Variants in CYFIP2 observed in about 807,000 individuals in gnomAD.
CYFIP2 encodes the protein cytoplasmic FMR1-interacting protein 2.
A neutral mutation model predicts 158.7 loss-of-function variants in CYFIP2; 29 were observed. The ratio of observed to expected loss-of-function variants is 0.18; its 90% CI spans 0.14 to 0.25. The LOEUF is 0.25. CYFIP2 is among the 10% of genes least tolerant of loss of function. CYFIP2 has a pLI of 1.00. For synonymous variants in CYFIP2, 585 were observed against 617.6 expected (o/e 0.95, Z 0.78); for missense variants, 852 against 1,639.5 (o/e 0.52, Z 8.29).
chr5:157,339,885 C>T (rs1175542647), intron 22 of CYFIP2, among the ~76,000 whole-genome samples: 1 of 152,208 alleles, frequency 6.6e-6, no homozygotes, highest in African/African-American at 2.4e-5. Context: ...GGAAATGGTG[C>T]TGTGAAAGAT....
rs777932320 is a variant in CYFIP2, at chr5:157,314,404, G to A, written c.1171G>A (p.Asp391Asn). ...KSDEEYRELFDLALRGLQLLS... is the reference protein window; with the variant it reads ...KSDEEYRELFNLALRGLQLLS... ...AGACGAGGAGTATCGCGAGCTCTTC[G>A]ACCTAGCCCTGCGGGGTCTGCAGCT... The change falls in exon 12 of 31, where the codon GAC becomes AAC. Residue 391 changes from aspartate (D) to asparagine (N), a missense_variant. Physicochemically the swap from Asp to Asn is conservative, Grantham distance 23. This residue lies in a region of CYFIP2 where 133 missense variants were observed against 197.1 expected (regional missense o/e 0.67). Coordinates refer to ENST00000620254, the MANE Select transcript of CYFIP2 (RefSeq NM_001037333.3). 1.9e-6 allele frequency: 3 copies of A among 1,613,756 alleles called. No homozygotes were observed. The highest frequency in any genetic ancestry group is 1.7e-6 in the Non-Finnish European group (2 of 1,179,858).
At position 157,349,098 on chromosome 5, in the gene CYFIP2, GTATT is replaced by G. The variant is rs551428169; in HGVS notation, c.2673+7956_2673+7959del. ...ACCTGGCCAAATTCCCTCACTTTAT[GTATT>G]TATTTATTTATTTACTTATTTCAGT... On this transcript the variant is annotated intron_variant, in intron 23 of 30. Coordinates refer to ENST00000620254, the MANE Select transcript of CYFIP2 (RefSeq NM_001037333.3). 1.2e-4 allele frequency among the ~76,000 whole-genome samples: 19 copies of G among 152,154 alleles called. No individual in the cohort carries two copies. The South Asian group carries it at 2.3e-3, about 18-fold the overall frequency.
At chr5:157,295,438 TCAG>T (rs1403880593) in intron 4 of CYFIP2, among the ~76,000 whole-genome samples, 1 of 152,222 alleles carries the variant, frequency 6.6e-6, no homozygotes, top group Non-Finnish European at 1.5e-5. Flanking sequence ...GGCAACAAAA[TCAG>T]CAAGCCACAG....
chr5:157,384,620 A>C (rs927717599), intron 28 of CYFIP2: 3 of 412,238 alleles, frequency 7.3e-6, no homozygotes, highest in Admixed American at 2.6e-5. Context: ...CATGCCACCA[A>C]CCTCCTTCTG....
chr5:157,319,991 G>A, intron 14 of CYFIP2, 63 bp downstream of exon 14: 4 of 1,573,820 alleles, frequency 2.5e-6, no homozygotes, highest in Non-Finnish European at 2.6e-6. Flanking sequence ...CCATCAGAGA[G>A]GATGTCCTGG....
At chr5:157,268,596 T>C (rs1191231775) in intron 1 of CYFIP2, among the ~76,000 whole-genome samples, 1 of 152,172 alleles carries the variant, frequency 6.6e-6, no homozygotes, top group Non-Finnish European at 1.5e-5. Context: ...TGGACTACAC[T>C]CTCAACGCAG....
At chr5:157,294,257 G>A (rs780240051) in intron 3 of CYFIP2, among the ~76,000 whole-genome samples, 2 of 152,164 alleles carry the variant, frequency 1.3e-5, no homozygotes, top group Admixed American at 1.3e-4. Flanking sequence ...AACTGTCAAC[G>A]AAATTCCTCC....
At chr5:157,313,311 A>G (rs1759889894) in intron 11 of CYFIP2, among the ~76,000 whole-genome samples, 1 of 152,210 alleles carries the variant, frequency 6.6e-6, no homozygotes, top group Non-Finnish European at 1.5e-5. Context: ...TCATTAACGC[A>G]TGACCAACAG....
intron 5 of CYFIP2, among the ~76,000 whole-genome samples, chr5:157,298,923 AC>A (rs1278053513): frequency 6.6e-6 from 1 of 152,192 alleles, no homozygotes; most frequent in Admixed American, 6.5e-5. Flanking sequence ...AGGACTGAAT[AC>A]CATTCCATTG....
intron 26 of CYFIP2, among the ~76,000 whole-genome samples, chr5:157,379,679 A>AAAC (rs1765853734): frequency 1.3e-5 from 2 of 149,986 alleles, no homozygotes; most frequent in South Asian, 4.2e-4. Context: ...AAAAAAAAAA[A>AAAC]AAAAAAAAAA....
At chr5:157,328,091 T>C (rs750776108) in intron 19 of CYFIP2, 42 bp downstream of exon 19, 1 of 1,569,352 alleles carries the variant, frequency 6.4e-7, no homozygotes, top group South Asian at 1.1e-5. Context: ...CTCTTAAGAC[T>C]GCCACCTAGA....
At chr5:157,278,690 T>C (rs1049130932) in intron 1 of CYFIP2, among the ~76,000 whole-genome samples, 10 of 152,212 alleles carry the variant, frequency 6.6e-5, no homozygotes, top group Non-Finnish European at 1.2e-4. Flanking sequence ...CCTTCCTTTT[T>C]TTGGTAGGAG....
At position 157,285,619 on chromosome 5, in the gene CYFIP2, G is replaced by A. The variant is rs555405104; in HGVS notation, c.117+141G>A. On this transcript the variant is annotated intron_variant, in intron 2 of 30. Coordinates refer to ENST00000620254, the MANE Select transcript of CYFIP2 (RefSeq NM_001037333.3). ...AGCTGATGGAGTCCCTTGTGCGCTGGTAGAGCCGAGTATAAGGAACAGATT... is the reference window on the plus strand; with the variant it reads ...AGCTGATGGAGTCCCTTGTGCGCTGATAGAGCCGAGTATAAGGAACAGATT... The A allele has an allele frequency of 8.8e-5, 59 of 671,756 alleles. No individual in the cohort carries two copies. The African/African-American group carries it at 1.0e-3, about 12-fold the overall frequency. The allele number at this position is 671,756 out of a possible 1,614,324, so 41.6% of individuals were successfully genotyped here.
intron 25 of CYFIP2, among the ~76,000 whole-genome samples, chr5:157,360,977 A>AT (rs1763773480): frequency 6.6e-6 from 1 of 152,210 alleles, no homozygotes; most frequent in African/African-American, 2.4e-5. Context: ...TCTGGTGTTC[A>AT]GTCCCAGCTG....
intron 27 of CYFIP2, 55 bp from the exon 28 acceptor site, chr5:157,383,210 C>T: frequency 1.3e-6 from 2 of 1,522,272 alleles, no homozygotes; most frequent in Non-Finnish European, 1.8e-6. Context: ...TTTTCCTTCC[C>T]CAGTTGCCCT....
At chr5:157,382,770 T>A in intron 27 of CYFIP2, 108 bp downstream of exon 27, 1 of 1,112,960 alleles carries the variant, frequency 9.0e-7, no homozygotes, top group Non-Finnish European at 1.3e-6. Context: ...AGGTTAAAGC[T>A]TTGGACACCT....
rs34300898 is a variant in CYFIP2, at chr5:157,327,564, C to CA, written c.2080-395dup. Reference sequence around the variant, plus strand: ...TAGGTGACAGAGCAAGACTCTGTCTCAAAAAAAAAAAAAATTGCAAATCAA... The same window carrying CA: ...TAGGTGACAGAGCAAGACTCTGTCTCAAAAAAAAAAAAAAATTGCAAATCAA... On this transcript the variant is annotated intron_variant, in intron 18 of 30. Transcript: ENST00000620254. Among the ~76,000 whole-genome samples the CA allele has an allele frequency of 5.5e-3, 691 of 126,702 alleles. 6 individuals are homozygous for CA. The highest frequency in any genetic ancestry group is 0.013 in the African/African-American group (451 of 34,788). The allele number at this position is 126,702 out of a possible 152,430, so 83.1% of individuals were successfully genotyped here. A position where few individuals can be genotyped will look rare whatever the true frequency, so the allele number is the denominator to read the frequency against.
At chr5:157,320,210 T>G (rs914519112) in intron 14 of CYFIP2, among the ~76,000 whole-genome samples, 2 of 152,228 alleles carry the variant, frequency 1.3e-5, no homozygotes. Flanking sequence ...TGCTGCCTGT[T>G]GGGATGATGA....
chr5:157,390,721 G>A (rs763327003), intron 30 of CYFIP2, 53 bp downstream of exon 30: 36 of 1,553,024 alleles, frequency 2.3e-5, no homozygotes, highest in Non-Finnish European at 2.8e-5. Context: ...TGACAACCAG[G>A]CTTTTACCAG....
Sources: gnomAD v4.1 joint callset for allele counts (sites outside exome capture counted in the v4.1 genomes callset) on GRCh38, gnomAD v4.1.1 for gene constraint, gnomAD v4.1.1 regional missense constraint, MANE v1.5 for transcripts, NCBI Gene and HGNC (gene_info 2026-07-23, HGNC 2026-07-21) for gene names.